The following ITGA4 variants were observed in gnomAD, a reference collection of about 807,000 sequenced individuals.
ITGA4 encodes the protein integrin subunit alpha 4, also known as integrin alpha-4.
ITGA4 carries 63 observed loss-of-function variants against 133.6 expected under a neutral mutation model. The ratio of observed to expected loss-of-function variants is 0.47; its 90% CI spans 0.38 to 0.58. The LOEUF is 0.58. Ranked by LOEUF, ITGA4 falls within the 20% of genes least tolerant of loss-of-function variation. The pLI, the probability that ITGA4 is intolerant of heterozygous loss-of-function variation, is 0.00. For synonymous variants in ITGA4, 483 were observed against 438.0 expected, an observed-to-expected ratio of 1.10 and a Z score of -1.28; for missense variants, 1,076 against 1,252.7, an observed-to-expected ratio of 0.86 and a Z score of 2.13.
rs6705566 is a variant in ITGA4 at position 181,487,153 on chromosome 2, G to A, written c.1153+1161G>A. On this transcript the variant is annotated intron_variant, in intron 10 of 27. Coordinates refer to ENST00000397033, the MANE Select transcript of ITGA4 (RefSeq NM_000885.6). ...AGGTGTATATACTTTTGGTTATTAC[G>A]ATTACACATAATTTTTTTAAAAAAC... 2.3e-3 allele frequency among the ~76,000 whole-genome samples: 357 copies of A among 152,126 alleles called. 4 individuals are homozygous for A. The highest frequency in any genetic ancestry group is 8.1e-3 in the African/African-American group (335 of 41,470).
Position 181,529,658 on chromosome 2 carries a change from T to C in ITGA4, c.2538+10T>C, listed in dbSNP as rs756250096. The C allele has an allele frequency of 2.2e-6, 3 of 1,367,144 alleles. No individual in the cohort carries two copies. The highest frequency in any genetic ancestry group is 3.1e-6 in the Non-Finnish European group (3 of 957,464). The allele number at this position is 1,367,144 out of a possible 1,614,324, so 84.7% of individuals were successfully genotyped here. A position where few individuals can be genotyped will look rare whatever the true frequency, so the allele number is the denominator to read the frequency against. ...CATTTTGGATGTCCAGGTAAAAATGTATTTCTTCCATCTAACCTTTATTGT... is the reference window on the plus strand; with the variant it reads ...CATTTTGGATGTCCAGGTAAAAATGCATTTCTTCCATCTAACCTTTATTGT... On this transcript the variant is annotated intron_variant, in intron 23 of 27. Coordinates refer to ENST00000397033, the MANE Select transcript of ITGA4 (RefSeq NM_000885.6).
intron 2 of ITGA4, among the ~76,000 whole-genome samples, chr2:181,473,696 A>G (rs1055478336): frequency 6.6e-6 from 1 of 152,348 alleles, no homozygotes; most frequent in East Asian, 1.9e-4. Context: ...TACCAGGCAT[A>G]GTGGCTTATG....
At chr2:181,524,042 G>C (rs531409318) in intron 19 of ITGA4, 129 bp from the exon 20 acceptor site, 1 of 619,708 alleles carries the variant, frequency 1.6e-6, no homozygotes, top group Admixed American at 3.5e-5. Context: ...CAAGGGAGGA[G>C]TAGCTGATGC....
At chr2:181,460,449 A>G (rs1013481313) in intron 2 of ITGA4, among the ~76,000 whole-genome samples, 12 of 152,166 alleles carry the variant, frequency 7.9e-5, no homozygotes, top group Non-Finnish European at 1.5e-4. Flanking sequence ...AACACTAAAA[A>G]CAATACATTG....
At chr2:181,511,205 CCTTA>C (rs3841880) in intron 16 of ITGA4, among the ~76,000 whole-genome samples, 91,213 of 151,486 alleles carry the variant, frequency 0.6, 27,784 homozygotes, top group South Asian at 0.84. Flanking sequence ...ATTCTGAAAC[CCTTA>C]CTTATTTAAT....
chr2:181,522,008 CAA>C (rs1686730707), intron 17 of ITGA4, among the ~76,000 whole-genome samples, 181 bp from the exon 18 acceptor site: 1 of 152,066 alleles, frequency 6.6e-6, no homozygotes, highest in Admixed American at 6.6e-5. Flanking sequence ...AAAAACATGA[CAA>C]AGAGTTCTTC....
chr2:181,488,838 A>G lies in ITGA4; in HGVS notation c.1153+2846A>G, dbSNP rs186878737. Reference sequence around the variant, plus strand: ...CTCCAAAAATGCTGGGATTACAGGCATGAGCCACTGCACCCAGCCCTCCAG... The same window carrying G: ...CTCCAAAAATGCTGGGATTACAGGCGTGAGCCACTGCACCCAGCCCTCCAG... On this transcript the variant is annotated intron_variant, in intron 10 of 27. Coordinates refer to ENST00000397033, the MANE Select transcript of ITGA4 (RefSeq NM_000885.6). Among the ~76,000 whole-genome samples, 793 of 152,274 alleles carry G rather than the reference A, an allele frequency of 5.2e-3. 7 individuals are homozygous for G. Among genetic ancestry groups the G allele is most frequent in the South Asian group, 0.015 (71 of 4,822 alleles).
chr2:181,537,126 A>G lies in ITGA4; in HGVS notation c.*1599A>G, dbSNP rs200646302. 2.2e-6 allele frequency: 1 copy of G among 453,008 alleles called. No individual in the cohort carries two copies. The highest frequency in any genetic ancestry group is 4.4e-6 in the Non-Finnish European group (1 of 226,538). The allele number at this position is 453,008 out of a possible 1,614,324, so 28.1% of individuals were successfully genotyped here. A position where few individuals can be genotyped will look rare whatever the true frequency, so the allele number is the denominator to read the frequency against. The stretch of plus-strand genomic sequence containing the variant: ...ACTTTATGACATTTATGTATTTTTA[A>G]AAAACTTTGTATCGTTATAAAAAGG... On this transcript the variant is annotated 3_prime_UTR_variant, in exon 28 of 28. Coordinates refer to ENST00000397033, the MANE Select transcript of ITGA4 (RefSeq NM_000885.6).
At chr2:181,519,225 GATTAC>G (rs578202006) in intron 17 of ITGA4, among the ~76,000 whole-genome samples, 55 of 152,088 alleles carry the variant, frequency 3.6e-4, no homozygotes, top group African/African-American at 9.9e-4. Context: ...GATACTCAAA[GATTAC>G]ATTACATTTA....
At chr2:181,509,131 C>T (rs574536899) in intron 15 of ITGA4, among the ~76,000 whole-genome samples, 1 of 92,946 alleles carries the variant, frequency 1.1e-5, no homozygotes, top group South Asian at 4.0e-4. Flanking sequence ...CACATCCCAT[C>T]TCTTAAAAAA....
chr2:181,485,773 C>T, intron 9 of ITGA4, 108 bp from the exon 10 acceptor site: 1 of 877,928 alleles, frequency 1.1e-6, no homozygotes, highest in Non-Finnish European at 1.8e-6. Flanking sequence ...GTAGTTTGTC[C>T]AACTTGTTTG....
chr2:181,535,718 G>A lies in ITGA4; in HGVS notation c.*191G>A, dbSNP rs185603391. On this transcript the variant is annotated 3_prime_UTR_variant, in exon 28 of 28. Transcript: ENST00000397033. ...TCTTTGAGATAGAAGAACTGCAAAGGTAATAATACAGCCAAAGATAATCTC... is the reference window on the plus strand; with the variant it reads ...TCTTTGAGATAGAAGAACTGCAAAGATAATAATACAGCCAAAGATAATCTC... 6.0e-5 allele frequency: 33 copies of A among 552,358 alleles called. No individual in the cohort carries two copies. The highest frequency in any genetic ancestry group is 4.4e-4 in the African/African-American group (23 of 52,640). The allele number at this position is 552,358 out of a possible 1,614,324, so 34.2% of individuals were successfully genotyped here. A position where few individuals can be genotyped will look rare whatever the true frequency, so the allele number is the denominator to read the frequency against.
intron 2 of ITGA4, among the ~76,000 whole-genome samples, chr2:181,466,220 T>G (rs905002014): frequency 6.6e-6 from 1 of 151,974 alleles, no homozygotes; most frequent in Non-Finnish European, 1.5e-5. Context: ...ATTTATAAAA[T>G]TGCAACCATA....
In ITGA4 at chr2:181,467,793, A is replaced by G. The variant is rs141285430; in HGVS notation, c.320-7167A>G. Among the ~76,000 whole-genome samples, 290 of 152,276 alleles carry G rather than the reference A, an allele frequency of 1.9e-3. 1 individual carries two copies. Among genetic ancestry groups the G allele is most frequent in the African/African-American group, 6.6e-3 (273 of 41,568 alleles). On this transcript the variant is annotated intron_variant, in intron 2 of 27. Coordinates refer to ENST00000397033, the MANE Select transcript of ITGA4 (RefSeq NM_000885.6). ...AAATAACTTAGAGATCAAAGATGCTATTTTTTAATTCTAATCTTTCCACTT... is the reference window on the plus strand; with the variant it reads ...AAATAACTTAGAGATCAAAGATGCTGTTTTTTAATTCTAATCTTTCCACTT...
intron 21 of ITGA4, 59 bp from the exon 22 acceptor site, chr2:181,527,238 C>A: frequency 9.9e-7 from 1 of 1,006,876 alleles, no homozygotes; most frequent in Non-Finnish European, 1.6e-6. Flanking sequence ...TAGAAAAAGA[C>A]TCTTTATAAT....
chr2:181,510,518 C>G (rs1686486410), intron 16 of ITGA4, among the ~76,000 whole-genome samples: 2 of 151,964 alleles, frequency 1.3e-5, no homozygotes, highest in South Asian at 4.1e-4. Flanking sequence ...TAGTAAAAAG[C>G]CTTCATTAAA....
intron 17 of ITGA4, among the ~76,000 whole-genome samples, chr2:181,518,323 A>G (rs541477017): frequency 6.6e-6 from 1 of 152,216 alleles, no homozygotes; most frequent in African/African-American, 2.4e-5. Context: ...ATCCCAATGT[A>G]GAGATGATGC....
At chr2:181,522,418 A>T (rs1171570326) in intron 18 of ITGA4, 77 bp downstream of exon 18, 6 of 989,326 alleles carry the variant, frequency 6.1e-6, no homozygotes, top group Non-Finnish European at 8.9e-6. Context: ...GGTAGAATTC[A>T]CTTCACTGAT....
Position 181,480,142 on chromosome 2 carries a change from A to T in ITGA4, c.630A>T (p.Leu210Phe), listed in dbSNP as rs201763546. 6.5e-7 allele frequency: 1 copy of T among 1,544,580 alleles called. No individual in the cohort carries two copies. The highest frequency in any genetic ancestry group is 1.3e-5 in the South Asian group (1 of 78,352). ...TAGTTTTTTTTTTCTTACAGGATTT[A>T]ATTGTGATGGGGGCCCCAGGATCAT... ...AGISSFYTKD[L>F]IVMGAPGSSY... The change falls in exon 6 of 28, where the codon TTA becomes TTT. Residue 210 changes from leucine to phenylalanine, a missense_variant. By Grantham distance (22) the Leu-to-Phe change is conservative (BLOSUM62 0). Around this residue, in one of 4 missense-constraint regions of ITGA4, gnomAD observed 436 missense variants for 590.7 expected, o/e 0.74. Coordinates refer to ENST00000397033, the MANE Select transcript of ITGA4 (RefSeq NM_000885.6).
Sources: allele counts gnomAD v4.1 joint callset (sites outside exome capture counted in the v4.1 genomes callset), GRCh38; gene constraint gnomAD v4.1.1; regional missense constraint gnomAD v4.1.1; transcripts MANE v1.5; gene names NCBI Gene and HGNC (gene_info 2026-07-23, HGNC 2026-07-21).